The following SLC35F1 variants were observed in gnomAD, a reference collection of about 807,000 sequenced individuals.
SLC35F1 encodes the protein chromosome 6 open reading frame 169.
SLC35F1 carries 14 observed loss-of-function variants against 48.7 expected under a neutral mutation model. The observed-to-expected ratio is 0.29, with a 90% CI of 0.19 to 0.45. The LOEUF is 0.45. Ranked by LOEUF, SLC35F1 falls within the 20% of genes least tolerant of loss-of-function variation. SLC35F1 has a pLI of 1.00. For synonymous variants in SLC35F1, 190 were observed against 202.2 expected, an observed-to-expected ratio of 0.94 and a Z score of 0.51; for missense variants, 404 against 500.0, an observed-to-expected ratio of 0.81 and a Z score of 1.83.
chr6:118,257,341 C>T (rs776935232), intron 3 of SLC35F1, among the ~76,000 whole-genome samples: 2 of 152,160 alleles, frequency 1.3e-5, no homozygotes, highest in African/African-American at 2.4e-5. Flanking sequence ...TCATTTCTGC[C>T]TGCTCTATGT....
chr6:118,113,952 C>T (rs1315585218), intron 1 of SLC35F1, among the ~76,000 whole-genome samples: 1 of 152,200 alleles, frequency 6.6e-6, no homozygotes, highest in Non-Finnish European at 1.5e-5. Flanking sequence ...CTGCAATGTT[C>T]AATGACTTGT....
intron 1 of SLC35F1, among the ~76,000 whole-genome samples, chr6:118,037,463 T>C (rs1222863811): frequency 6.6e-6 from 1 of 152,190 alleles, no homozygotes; most frequent in African/African-American, 2.4e-5. Context: ...TATGCTTTGG[T>C]ATTAGATTTT....
chr6:118,066,035 A>C (rs923472116), intron 1 of SLC35F1, among the ~76,000 whole-genome samples: 2 of 152,204 alleles, frequency 1.3e-5, no homozygotes, highest in African/African-American at 4.8e-5. Context: ...TTAAATATTA[A>C]GATTTACTGA....
chr6:117,966,344 G>A (rs1174938084), intron 1 of SLC35F1, among the ~76,000 whole-genome samples: 1 of 151,696 alleles, frequency 6.6e-6, no homozygotes, highest in Non-Finnish European at 1.5e-5. Context: ...CCACCGGCAG[G>A]AACTAACAAC....
intron 6 of SLC35F1, among the ~76,000 whole-genome samples, chr6:118,283,352 C>A (rs1168754202): frequency 6.6e-6 from 1 of 152,194 alleles, no homozygotes; most frequent in African/African-American, 2.4e-5. Flanking sequence ...TGTCTTTCTG[C>A]ATAGCATTAA....
At chr6:118,163,448 ACACT>A (rs1314515101) in intron 2 of SLC35F1, among the ~76,000 whole-genome samples, 1 of 135,620 alleles carries the variant, frequency 7.4e-6, no homozygotes, top group Admixed American at 7.5e-5. Context: ...ACACACACAC[ACACT>A]CTATACATCA....
intron 3 of SLC35F1, among the ~76,000 whole-genome samples, chr6:118,261,494 T>C (rs1369748192): frequency 6.6e-6 from 1 of 152,172 alleles, no homozygotes; most frequent in Non-Finnish European, 1.5e-5. Flanking sequence ...TAAATTAAAG[T>C]GCACAGTGTC....
intron 3 of SLC35F1, among the ~76,000 whole-genome samples, chr6:118,237,339 A>G (rs1775378975): frequency 6.6e-6 from 1 of 151,962 alleles, no homozygotes. Context: ...ACACACACAC[A>G]CACACACACA....
intron 1 of SLC35F1, among the ~76,000 whole-genome samples, chr6:117,954,512 A>G (rs892536738): frequency 2.0e-5 from 3 of 152,248 alleles, no homozygotes; most frequent in Middle Eastern, 3.4e-3. Flanking sequence ...ACCTGTCTCC[A>G]TCTCCCAAAG....
At chr6:118,060,909 C>T (rs1772527498) in intron 1 of SLC35F1, among the ~76,000 whole-genome samples, 1 of 152,228 alleles carries the variant, frequency 6.6e-6, no homozygotes, top group Non-Finnish European at 1.5e-5. Context: ...TAAAGCCACA[C>T]AGTGTGGTCC....
chr6:118,289,223 CCA>C (rs1776088289), intron 7 of SLC35F1, among the ~76,000 whole-genome samples: 1 of 152,158 alleles, frequency 6.6e-6, no homozygotes, highest in African/African-American at 2.4e-5. Flanking sequence ...TGTGGATATG[CCA>C]CAGTTTATTT....
intron 3 of SLC35F1, among the ~76,000 whole-genome samples, chr6:118,262,803 C>G (rs1582758234): frequency 1.3e-5 from 2 of 152,118 alleles, no homozygotes; most frequent in South Asian, 4.1e-4. Flanking sequence ...CTACAGGGTT[C>G]AAGCTGGGCG....
intron 1 of SLC35F1, among the ~76,000 whole-genome samples, chr6:118,139,321 CCAG>C (rs1773848381): frequency 6.6e-6 from 1 of 152,132 alleles, no homozygotes; most frequent in Non-Finnish European, 1.5e-5. Flanking sequence ...ACCGTGTTAG[CCAG>C]GATGGTCTCG....
intron 1 of SLC35F1, among the ~76,000 whole-genome samples, chr6:117,994,264 A>T (rs1324223773): frequency 6.6e-6 from 1 of 151,966 alleles, no homozygotes; most frequent in Non-Finnish European, 1.5e-5. Flanking sequence ...AATCTCTTTA[A>T]CTTTCCTTTC....
rs1405324941 is a variant in SLC35F1 at position 117,923,641 on chromosome 6, ATG to A, written c.173+15744_173+15745del. ...TATGTATATATACATATATGTACAT[ATG>A]TACATATGTACATATGTATATATAC... is the stretch of plus-strand genomic sequence containing the variant. On this transcript the variant is annotated intron_variant, in intron 1 of 7. Transcript: ENST00000360388. Among the ~76,000 whole-genome samples the A allele has an allele frequency of 2.2e-4, 26 of 118,908 alleles. 10 individuals are homozygous for A. Among genetic ancestry groups the A allele is most frequent in the Admixed American group, 1.5e-3 (18 of 11,738 alleles). The allele number at this position is 118,908 out of a possible 152,430, so 78.0% of individuals were successfully genotyped here.
chr6:118,265,612 T>C (rs140535329), intron 3 of SLC35F1, among the ~76,000 whole-genome samples: 118 of 152,222 alleles, frequency 7.8e-4, no homozygotes, highest in African/African-American at 2.7e-3. Context: ...GAGAGGCTTG[T>C]TCCATGTAGC....
At chr6:118,094,981 AAG>A (rs1773129701) in intron 1 of SLC35F1, among the ~76,000 whole-genome samples, 1 of 147,488 alleles carries the variant, frequency 6.8e-6, no homozygotes, top group East Asian at 2.0e-4. Flanking sequence ...AAAAAAAAAA[AAG>A]TAGCCAGGCA....
At chr6:118,117,808 T>A (rs908677833) in intron 1 of SLC35F1, among the ~76,000 whole-genome samples, 1 of 152,174 alleles carries the variant, frequency 6.6e-6, no homozygotes, top group Non-Finnish European at 1.5e-5. Context: ...TTTTCTAGAA[T>A]GTTATATAAA....
At chr6:118,205,522 T>G (rs1266264478) in intron 2 of SLC35F1, among the ~76,000 whole-genome samples, 1 of 152,190 alleles carries the variant, frequency 6.6e-6, no homozygotes, top group Non-Finnish European at 1.5e-5. Flanking sequence ...AGCAGTGATG[T>G]GGATATATTA....
Sources: allele counts gnomAD v4.1 joint callset (sites outside exome capture counted in the v4.1 genomes callset), GRCh38; gene constraint gnomAD v4.1.1; transcripts MANE v1.5; gene names NCBI Gene and HGNC (gene_info 2026-07-23, HGNC 2026-07-21).